TOX2: variants seen among roughly 807,000 people sequenced by gnomAD.
The protein encoded by TOX2 is TOX high mobility group box family member 2, also known as granulosa cell HMG box 1.
In TOX2, 15 loss-of-function variants were observed where a neutral mutation model predicts 47.4. That is an observed-to-expected ratio of 0.32 (90% CI 0.21 to 0.49). The LOEUF (loss-of-function observed/expected upper bound fraction) is 0.49, where lower values mean the gene tolerates loss of function less well. Among genes scored for constraint, TOX2 ranks in the 20% least tolerant of loss-of-function variants. The pLI is 0.99. For synonymous variants in TOX2, 290 were observed against 296.6 expected, an observed-to-expected ratio of 0.98 and a Z score of 0.23; for missense variants, 622 against 673.1, an observed-to-expected ratio of 0.92 and a Z score of 0.84.
chr20:44,014,833 G>A (rs918282527), intron 3 of TOX2, among the ~76,000 whole-genome samples: 1 of 152,134 alleles, frequency 6.6e-6, no homozygotes, highest in African/African-American at 2.4e-5. Flanking sequence ...CTTTGTCGGG[G>A]GCTGAGGTGG....
intron 1 of TOX2, among the ~76,000 whole-genome samples, chr20:43,938,441 G>A (rs1166827335): frequency 1.3e-5 from 2 of 152,168 alleles, no homozygotes; most frequent in African/African-American, 4.8e-5. Flanking sequence ...CGGAAAGCAC[G>A]TCTCAAATGA....
chr20:44,065,828 G>T lies in TOX2; in HGVS notation c.1077G>T (p.Ser359=). 1 of 1,613,790 alleles carries T rather than the reference G, an allele frequency of 6.2e-7. No homozygotes were observed. Among genetic ancestry groups the T allele is most frequent in the Non-Finnish European group, 8.5e-7 (1 of 1,179,744 alleles). ...MPGLASFLTP[S]DLQAFRSGAS... ...GCCTGGCCTCCTTCCTGACGCCGTCGGACCTGCAGGCCTTCCGCAGTGGGG... is the reference window on the plus strand; with the variant it reads ...GCCTGGCCTCCTTCCTGACGCCGTCTGACCTGCAGGCCTTCCGCAGTGGGG... Residue 359 remains serine, a synonymous_variant, in exon 7 of 9, where the codon TCG becomes TCT. Transcript: ENST00000341197.
At chr20:43,947,832 G>A (rs567319752) in intron 1 of TOX2, among the ~76,000 whole-genome samples, 11 of 152,278 alleles carry the variant, frequency 7.2e-5, no homozygotes, top group South Asian at 2.1e-4. Flanking sequence ...GCTACCTGAC[G>A]ACCTGTTTGC....
chr20:44,046,932 C>T (rs1411805174), intron 3 of TOX2, among the ~76,000 whole-genome samples: 1 of 152,110 alleles, frequency 6.6e-6, no homozygotes, highest in African/African-American at 2.4e-5. Context: ...GAAAAACAAA[C>T]TGATCATATC....
chr20:43,983,468 T>C (rs1301888598), intron 2 of TOX2, among the ~76,000 whole-genome samples: 1 of 152,106 alleles, frequency 6.6e-6, no homozygotes, highest in Non-Finnish European at 1.5e-5. Context: ...GTTCAGCTTC[T>C]AGAGGAGAAC....
At position 44,051,403 on chromosome 20, in the gene TOX2, C is replaced by A; in HGVS notation, c.509C>A (p.Ala170Asp). 1 of 1,614,068 alleles carries A rather than the reference C, an allele frequency of 6.2e-7. No individual in the cohort carries two copies. The highest frequency in any genetic ancestry group is 1.1e-5 in the South Asian group (1 of 91,068). Residue 170 changes from alanine (A) to aspartate (D), a missense_variant, in exon 4 of 9, where the codon GCC becomes GAC. Physicochemically the swap from Ala to Asp is moderately radical, Grantham distance 126 (BLOSUM62 -2). This residue lies in a region of TOX2 where 307 missense variants were observed against 327.3 expected (regional missense o/e 0.94). Coordinates refer to ENST00000341197, the MANE Select transcript of TOX2 (RefSeq NM_001098797.2). The part of the protein sequence containing the change: ...RPAMLASHMS[A>D]LSQSQLISQM... Reference sequence around the variant, plus strand: ...GCAATGCTGGCCAGCCACATGAGTGCCCTCAGCCAGTCCCAGCTCATCTCG... The same window carrying A: ...GCAATGCTGGCCAGCCACATGAGTGACCTCAGCCAGTCCCAGCTCATCTCG...
rs1021640344 is a variant in TOX2 at position 44,069,474 on chromosome 20, C to T, written c.*788C>T. 4.7e-4 allele frequency: 72 copies of T among 153,370 alleles called. 1 individual carries two copies. Among genetic ancestry groups the T allele is most frequent in the Non-Finnish European group, 1.2e-4 (8 of 68,444 alleles). 9.5% of individuals were successfully genotyped at this position (153,370 alleles called of 1,614,324 possible). A position where few individuals can be genotyped will look rare whatever the true frequency, so the allele number is the denominator to read the frequency against. On this transcript the variant is annotated 3_prime_UTR_variant, in exon 9 of 9. Coordinates refer to ENST00000341197, the MANE Select transcript of TOX2 (RefSeq NM_001098797.2). ...GAGAACGAAGTTACAGCTTATCCTA[C>T]CGTGTGTGTGGTTTTGGGGTTTCGT...
chr20:44,062,374 ATAAAT>A (rs911972525), intron 5 of TOX2, among the ~76,000 whole-genome samples: 4 of 142,200 alleles, frequency 2.8e-5, no homozygotes, highest in Non-Finnish European at 6.1e-5. Flanking sequence ...TGCAAAATAA[ATAAAT>A]AAATAAATAA....
Position 44,068,948 on chromosome 20 carries a change from G to T in TOX2, c.*262G>T, listed in dbSNP as rs990363056. On this transcript the variant is annotated 3_prime_UTR_variant, in exon 9 of 9. Transcript: ENST00000341197. ...TTGCTCCAGGGTAACTGTGGACCCTGTCCTCGCCCTGCGCACGGTACCCTA... is the reference window on the plus strand; with the variant it reads ...TTGCTCCAGGGTAACTGTGGACCCTTTCCTCGCCCTGCGCACGGTACCCTA... The T allele has an allele frequency of 1.0e-4, 64 of 636,790 alleles. 2 individuals are homozygous for T. In the Admixed American group the frequency reaches 1.3e-3, roughly 13 times the overall value. The allele number at this position is 636,790 out of a possible 1,614,324, so 39.4% of individuals were successfully genotyped here.
intron 1 of TOX2, among the ~76,000 whole-genome samples, chr20:43,935,055 C>T (rs1206525924): frequency 1.3e-5 from 2 of 152,180 alleles, no homozygotes; most frequent in Non-Finnish European, 2.9e-5. Flanking sequence ...CTTCTCTACC[C>T]TTCCCATGCA....
chr20:44,021,768 A>G (rs1448343167), intron 3 of TOX2, among the ~76,000 whole-genome samples: 1 of 150,392 alleles, frequency 6.6e-6, no homozygotes, highest in Non-Finnish European at 1.5e-5. Flanking sequence ...AGCTGGGATC[A>G]CAGACACACA....
chr20:43,966,753 C>CAA (rs11483515), intron 1 of TOX2, among the ~76,000 whole-genome samples: 102 of 91,062 alleles, frequency 1.1e-3, no homozygotes, highest in African/African-American at 2.3e-3. Flanking sequence ...AACTCTGTCT[C>CAA]AAAAAAAAAA....
intron 1 of TOX2, among the ~76,000 whole-genome samples, chr20:43,953,932 G>T (rs533910391): frequency 7.2e-5 from 11 of 152,264 alleles, no homozygotes; most frequent in South Asian, 2.1e-4. Context: ...CTTTTCACAG[G>T]ATTTCTCATG....
At position 43,938,105 on chromosome 20, in the gene TOX2, C is replaced by T. The variant is rs551119197; in HGVS notation, c.99+23115C>T. Reference sequence around the variant, plus strand: ...TTCAGTCTAATGCTTGTGGACAATGCGGGCACCCCAGTGACTGCACGGTGG... The same window carrying T: ...TTCAGTCTAATGCTTGTGGACAATGTGGGCACCCCAGTGACTGCACGGTGG... On this transcript the variant is annotated intron_variant, in intron 1 of 8. Transcript: ENST00000341197. Among the ~76,000 whole-genome samples the T allele has an allele frequency of 2.9e-4, 44 of 152,300 alleles. No homozygotes were observed. In the East Asian group the frequency reaches 5.8e-3, roughly 20 times the overall value.
intron 1 of TOX2, among the ~76,000 whole-genome samples, chr20:43,959,307 C>G (rs1473009462): frequency 6.6e-6 from 1 of 152,190 alleles, no homozygotes; most frequent in Non-Finnish European, 1.5e-5. Context: ...TGTGCTGCAC[C>G]AGTGTTCTCG....
At chr20:44,012,161 T>C (rs746060895) in intron 3 of TOX2, among the ~76,000 whole-genome samples, 22 of 152,252 alleles carry the variant, frequency 1.4e-4, no homozygotes, top group Non-Finnish European at 3.1e-4. Context: ...TATGTATAAA[T>C]CAGTTTCTAA....
chr20:44,026,803 T>G (rs968100971), intron 3 of TOX2, among the ~76,000 whole-genome samples: 8 of 152,214 alleles, frequency 5.3e-5, no homozygotes, highest in African/African-American at 7.2e-5. Context: ...CAGGGCTGGT[T>G]CTGACCCTCT....
intron 7 of TOX2, among the ~76,000 whole-genome samples, chr20:44,066,485 G>T (rs1379564762): frequency 1.3e-5 from 2 of 152,210 alleles, no homozygotes; most frequent in Non-Finnish European, 2.9e-5. Flanking sequence ...CCATTTTACA[G>T]ATCGAGAAAC....
At chr20:44,023,519 C>T (rs1297275350) in intron 3 of TOX2, among the ~76,000 whole-genome samples, 1 of 151,390 alleles carries the variant, frequency 6.6e-6, no homozygotes, top group Admixed American at 6.6e-5. Flanking sequence ...GCATCTTGGA[C>T]TGCATCAGTT....
Sources: gnomAD v4.1 joint callset for allele counts (sites outside exome capture counted in the v4.1 genomes callset) on GRCh38, gnomAD v4.1.1 for gene constraint, gnomAD v4.1.1 regional missense constraint, MANE v1.5 for transcripts, NCBI Gene and HGNC (gene_info 2026-07-23, HGNC 2026-07-21) for gene names.